AKAP19: variants seen among roughly 807,000 people sequenced by gnomAD.
The protein encoded by AKAP19 is A-kinase anchoring protein 19.
At chr2:190,063,648 T>C in the AKAP19 span, among the ~76,000 whole-genome samples, 11 of 152,114 alleles carry the variant, frequency 7.2e-5, no homozygotes, top group Admixed American at 1.3e-4. Context: ...TATGAGCACA[T>C]AAAAGAGAAA....
the AKAP19 span, among the ~76,000 whole-genome samples, chr2:190,146,126 T>C: frequency 6.6e-6 from 1 of 152,046 alleles, no homozygotes; most frequent in Non-Finnish European, 1.5e-5. Flanking sequence ...CACTGTACCG[T>C]ATTTGTAGTC....
chr2:190,073,171 T>C, the AKAP19 span, among the ~76,000 whole-genome samples: 1 of 152,078 alleles, frequency 6.6e-6, no homozygotes, highest in Non-Finnish European at 1.5e-5. Context: ...AAGAGTATAC[T>C]GCAAAAGTAT....
At chr2:190,153,059 CTAATTTTTTG>C in the AKAP19 span, among the ~76,000 whole-genome samples, 2 of 152,084 alleles carry the variant, frequency 1.3e-5, no homozygotes, top group African/African-American at 4.8e-5. Flanking sequence ...CGACGCCCGG[CTAATTTTTTG>C]TAATTTTAGT....
chr2:190,162,396 G>A, the AKAP19 span, among the ~76,000 whole-genome samples: 2 of 152,126 alleles, frequency 1.3e-5, no homozygotes. Context: ...GGAAAACAAG[G>A]CCCAAAATAA....
the AKAP19 span, among the ~76,000 whole-genome samples, chr2:190,098,690 G>A: frequency 6.6e-5 from 10 of 152,296 alleles, no homozygotes; most frequent in African/African-American, 1.9e-4. Context: ...GCCAGGCATC[G>A]ACTTCTCCTC....
chr2:190,025,273 CA>C, the AKAP19 span, among the ~76,000 whole-genome samples: 2 of 152,090 alleles, frequency 1.3e-5, no homozygotes, highest in African/African-American at 4.8e-5. Context: ...GGATAAGTTT[CA>C]AAAATTTTTA....
At chr2:189,907,297 C>G in the AKAP19 span, among the ~76,000 whole-genome samples, 1 of 152,186 alleles carries the variant, frequency 6.6e-6, no homozygotes, top group African/African-American at 2.4e-5. Flanking sequence ...TTTCATTTCT[C>G]TAGCCACACT....
the AKAP19 span, among the ~76,000 whole-genome samples, chr2:189,952,624 C>A: frequency 2.0e-5 from 3 of 152,126 alleles, no homozygotes; most frequent in Non-Finnish European, 4.4e-5. Context: ...AAAAGATCAA[C>A]GTTTCAATAT....
chr2:190,173,286 C>T, the AKAP19 span, among the ~76,000 whole-genome samples: 1 of 152,074 alleles, frequency 6.6e-6, no homozygotes, highest in Non-Finnish European at 1.5e-5. Flanking sequence ...ATAAAATATT[C>T]GTACATAGAT....
At chr2:189,959,503 A>G in the AKAP19 span, among the ~76,000 whole-genome samples, 5 of 152,188 alleles carry the variant, frequency 3.3e-5, no homozygotes, top group Non-Finnish European at 5.9e-5. Flanking sequence ...AGTCCTAAGC[A>G]TGCTTTAAAT....
At chr2:190,172,788 A>G in the AKAP19 span, among the ~76,000 whole-genome samples, 2 of 152,352 alleles carry the variant, frequency 1.3e-5, no homozygotes, top group South Asian at 2.1e-4. Flanking sequence ...CAGAAATTAT[A>G]CATACCTCAC....
At chr2:189,963,175 A>G in the AKAP19 span, among the ~76,000 whole-genome samples, 4 of 148,852 alleles carry the variant, frequency 2.7e-5, no homozygotes, top group African/African-American at 4.9e-5. Context: ...CAGCAATTCA[A>G]TCACATCTTC....
At chr2:190,111,422 A>C in the AKAP19 span, among the ~76,000 whole-genome samples, 2 of 152,180 alleles carry the variant, frequency 1.3e-5, no homozygotes, top group Admixed American at 6.5e-5. Flanking sequence ...TCCATTAGCC[A>C]TCAAGTGATA....
chr2:189,931,024 GGGGT>G, the AKAP19 span: 1 of 639,944 alleles, frequency 1.6e-6, no homozygotes, highest in Non-Finnish European at 2.7e-6. Flanking sequence ...CTGGGGCCAA[GGGGT>G]GGGTGTGTGA....
the AKAP19 span, among the ~76,000 whole-genome samples, chr2:190,155,924 A>G: frequency 2.0e-5 from 3 of 152,210 alleles, no homozygotes; most frequent in East Asian, 5.8e-4. Context: ...GTATAAAAAC[A>G]TGAATGCTCC....
chr2:189,926,105 A>G, the AKAP19 span, among the ~76,000 whole-genome samples: 1 of 152,140 alleles, frequency 6.6e-6, no homozygotes, highest in Admixed American at 6.5e-5. Context: ...TTGCATTATC[A>G]TTGATATTCG....
the AKAP19 span, among the ~76,000 whole-genome samples, chr2:190,005,353 T>C: frequency 6.6e-6 from 1 of 152,166 alleles, no homozygotes; most frequent in East Asian, 1.9e-4. Flanking sequence ...TGCTGATTGG[T>C]GTGTTTTTAC....
the AKAP19 span, among the ~76,000 whole-genome samples, chr2:189,891,052 G>A: frequency 4.6e-5 from 7 of 152,066 alleles, no homozygotes; most frequent in East Asian, 1.2e-3. Context: ...GGCTGGTATC[G>A]GTTTTTCCTT....
At chr2:189,951,896 T>A in the AKAP19 span, among the ~76,000 whole-genome samples, 1 of 152,212 alleles carries the variant, frequency 6.6e-6, no homozygotes, top group Non-Finnish European at 1.5e-5. Flanking sequence ...TTATAAAATT[T>A]CCCATGAGAA....
Sources: allele counts gnomAD v4.1 joint callset (sites outside exome capture counted in the v4.1 genomes callset), GRCh38; gene constraint gnomAD v4.1.1; transcripts MANE v1.5; gene names NCBI Gene and HGNC (gene_info 2026-07-23, HGNC 2026-07-21).